Variants in NDUFAF6 observed in about 807,000 individuals in gnomAD.
NDUFAF6 encodes NADH dehydrogenase (ubiquinone) complex I, assembly factor 6.
A neutral mutation model predicts 40.8 loss-of-function variants in NDUFAF6; 45 were observed. That is an observed-to-expected ratio of 1.10 (90% confidence interval 0.87 to 1.42). NDUFAF6 has a LOEUF of 1.42. Ranked by LOEUF, NDUFAF6 falls within the 40% of genes most tolerant of loss-of-function variation. The pLI is 0.00. For synonymous variants in NDUFAF6, 185 were observed against 155.9 expected (o/e 1.19, Z -1.39); for missense variants, 435 against 418.5 (o/e 1.04, Z -0.34).
intron 1 of NDUFAF6, among the ~76,000 whole-genome samples, chr8:94,963,076 T>G (rs1823731746): frequency 2.0e-5 from 3 of 152,124 alleles, no homozygotes; most frequent in African/African-American, 7.2e-5. Flanking sequence ...CAGACAGGCG[T>G]GAGCCACTAC....
chr8:94,905,960 C>T (rs1415697544), intron 1 of NDUFAF6, among the ~76,000 whole-genome samples: 1 of 152,112 alleles, frequency 6.6e-6, no homozygotes, highest in African/African-American at 2.4e-5. Context: ...GTAGGTGTTT[C>T]ACACTTTCAT....
chr8:95,035,728 A>G, intron 3 of NDUFAF6, 152 bp downstream of exon 3: 1 of 765,008 alleles, frequency 1.3e-6, no homozygotes, highest in Non-Finnish European at 2.0e-6. Context: ...GTTTTGGCAC[A>G]GAAATTTAAA....
chr8:95,012,982 C>T (rs548967940), intron 2 of NDUFAF6, among the ~76,000 whole-genome samples: 47 of 152,334 alleles, frequency 3.1e-4, no homozygotes, highest in African/African-American at 1.1e-3. Flanking sequence ...TCTATCCCGT[C>T]CCTTATCAAC....
chr8:94,930,342 G>T, intron 1 of NDUFAF6: 2 of 1,222,684 alleles, frequency 1.6e-6, no homozygotes, highest in Non-Finnish European at 2.3e-6. Context: ...TTTCAAGATA[G>T]TGTCTAAATA....
intron 2 of NDUFAF6, among the ~76,000 whole-genome samples, chr8:95,086,522 C>G (rs532166051): frequency 6.6e-6 from 1 of 152,304 alleles, no homozygotes; most frequent in South Asian, 2.1e-4. Context: ...AAACCCTCCT[C>G]AGAATCCCTC....
intron 5 of NDUFAF6, among the ~76,000 whole-genome samples, chr8:95,045,996 AT>A (rs1264566113): frequency 1.3e-5 from 2 of 152,050 alleles, no homozygotes; most frequent in East Asian, 3.8e-4. Flanking sequence ...AATAGTACTT[AT>A]CCATGGAAAA....
At chr8:95,068,416 C>T (rs1354104058) in intron 9 of NDUFAF6, 5 of 151,862 alleles carry the variant, frequency 3.3e-5, no homozygotes, top group African/African-American at 1.2e-4. Context: ...TATGCTGAAT[C>T]CCCCACTAGA....
intron 2 of NDUFAF6, among the ~76,000 whole-genome samples, chr8:94,989,829 C>T (rs1405445730): frequency 4.6e-5 from 7 of 152,124 alleles, no homozygotes; most frequent in Non-Finnish European, 1.0e-4. Flanking sequence ...TATACTCAAG[C>T]GATCCTCCTA....
intron 1 of NDUFAF6, among the ~76,000 whole-genome samples, chr8:94,932,696 G>A (rs927927269): frequency 5.3e-5 from 8 of 152,130 alleles, no homozygotes; most frequent in Non-Finnish European, 8.8e-5. Flanking sequence ...CCAGCTACTC[G>A]GGAGGCTGAG....
intron 2 of NDUFAF6, among the ~76,000 whole-genome samples, chr8:94,947,184 T>C (rs1822092406): frequency 6.6e-6 from 1 of 151,958 alleles, no homozygotes; most frequent in Non-Finnish European, 1.5e-5. Flanking sequence ...TCCCTATACA[T>C]GCTCTTTTAG....
At chr8:94,987,211 T>C (rs1825958728) in intron 2 of NDUFAF6, among the ~76,000 whole-genome samples, 2 of 152,214 alleles carry the variant, frequency 1.3e-5, no homozygotes, top group Non-Finnish European at 2.9e-5. Flanking sequence ...TTTAAGCCAA[T>C]GCAGCCATAA....
intron 2 of NDUFAF6, among the ~76,000 whole-genome samples, chr8:95,001,782 G>T (rs568442443): frequency 0.01 from 1,536 of 152,286 alleles, 26 homozygotes; most frequent in African/African-American, 0.035. Flanking sequence ...TCATGCATTG[G>T]AGGAAAAGAT....
chr8:94,911,846 A>T (rs1818800808), intron 1 of NDUFAF6, among the ~76,000 whole-genome samples: 1 of 152,344 alleles, frequency 6.6e-6, no homozygotes, highest in South Asian at 2.1e-4. Flanking sequence ...GAGAGCAGCC[A>T]GAAGTGATAG....
At chr8:95,009,911 G>A (rs1315270833) in intron 2 of NDUFAF6, among the ~76,000 whole-genome samples, 3 of 152,108 alleles carry the variant, frequency 2.0e-5, no homozygotes, top group Non-Finnish European at 4.4e-5. Flanking sequence ...TCTTTTAACA[G>A]TTACACATTT....
intron 2 of NDUFAF6, among the ~76,000 whole-genome samples, chr8:94,999,569 A>G (rs1826621928): frequency 6.6e-6 from 1 of 151,962 alleles, no homozygotes; most frequent in South Asian, 2.1e-4. Flanking sequence ...GGTGCATGCC[A>G]TCATACCCGG....
At chr8:95,106,393 A>G (rs1358305733), downstream of NDUFAF6, among the ~76,000 whole-genome samples, 1 of 152,184 alleles carries the variant, frequency 6.6e-6, no homozygotes, top group Non-Finnish European at 1.5e-5. Flanking sequence ...AAGGATTCCT[A>G]TTTAATAAAT....
chr8:94,991,123 C>A (rs920375907), intron 2 of NDUFAF6, among the ~76,000 whole-genome samples: 1 of 152,138 alleles, frequency 6.6e-6, no homozygotes. Context: ...ATCATCTTTC[C>A]ATCCCCTCCT....
Position 95,001,700 on chromosome 8 carries a change from G to T in NDUFAF6, c.-84+20727G>T, listed in dbSNP as rs185102853. On this transcript the variant is annotated intron_variant, in intron 2 of 9. Transcript: ENST00000396111. ...TTGCATAAACTTCTGCTTCAATTTG[G>T]CTGTCCAGGGCTGGGCTCTTAAACC... Among the ~76,000 whole-genome samples the T allele has an allele frequency of 1.4e-3, 218 of 152,254 alleles. 2 individuals carry two copies. In the Middle Eastern group the frequency reaches 0.031, roughly 21 times the overall value.
intron 1 of NDUFAF6, chr8:94,975,855 AGT>A (rs1020510962): frequency 1.3e-5 from 2 of 152,154 alleles, no homozygotes; most frequent in Non-Finnish European, 2.9e-5. Context: ...TCCCTGCTTT[AGT>A]TTTCTGAGCA....
Sources: allele counts gnomAD v4.1 joint callset (sites outside exome capture counted in the v4.1 genomes callset), GRCh38; gene constraint gnomAD v4.1.1; transcripts MANE v1.5; gene names NCBI Gene and HGNC (gene_info 2026-07-23, HGNC 2026-07-21).